The following SMCR8 variants were observed in gnomAD, a reference collection of about 807,000 sequenced individuals.
The protein encoded by SMCR8 is guanine nucleotide exchange protein SMCR8.
Under a neutral mutation model 56.6 loss-of-function variants are expected in SMCR8, and 30 were observed. The observed-to-expected ratio is 0.53, with a 90% CI of 0.40 to 0.72. The LOEUF is 0.72. Among genes scored for constraint, SMCR8 ranks in the 30% least tolerant of loss-of-function variants. The probability of loss-of-function intolerance (pLI) is 0.00; values close to 1 mark genes in which losing one functional copy is unlikely to be tolerated. For missense variants in SMCR8, 1,198 were observed against 1,157.0 expected, an observed-to-expected ratio of 1.04 and a Z score of -0.51; for synonymous variants, 538 against 456.0, an observed-to-expected ratio of 1.18 and a Z score of -2.29.
Position 18,317,488 on chromosome 17 carries a change from G to A in SMCR8, c.1699G>A (p.Gly567Ser), listed in dbSNP as rs1283356243. The A allele has an allele frequency of 2.5e-6, 4 of 1,613,932 alleles. No individual in the cohort carries two copies. Among genetic ancestry groups the A allele is most frequent in the African/African-American group, 1.3e-5 (1 of 74,908 alleles). ...GGCAAGCATCAGTCCTCCAGAACTG[G>A]GTGAGACAGAGGAAGGCAGCATAGA... is the stretch of plus-strand genomic sequence containing the variant. ...FQASISPPEL[G>S]ETEEGSIENT... The change falls in exon 1 of 2, where the codon GGT becomes AGT. Residue 567 changes from glycine to serine, a missense_variant. Coordinates refer to ENST00000406438, the MANE Select transcript of SMCR8 (RefSeq NM_144775.3).
chr17:18,321,778 G>A (rs1239527550), intron 1 of SMCR8, among the ~76,000 whole-genome samples: 1 of 152,210 alleles, frequency 6.6e-6, no homozygotes, highest in Non-Finnish European at 1.5e-5. Context: ...GCTGCAGTGA[G>A]TCATGATCGT....
Position 18,316,001 on chromosome 17 carries a change from C to T in SMCR8, c.212C>T (p.Pro71Leu). The change falls in exon 1 of 2, where the codon CCC becomes CTC. Residue 71 changes from proline to leucine, a missense_variant. Transcript: ENST00000406438. The part of the protein sequence containing the change: ...SEFSEQVGPQ[P>L]LLTIPNDTKV... ...TTCTCTGAGCAGGTGGGACCCCAAC[C>T]CTTACTGACCATCCCCAATGACACC... 1 of 1,614,140 alleles carries T rather than the reference C, an allele frequency of 6.2e-7. No individual in the cohort carries two copies. The highest frequency in any genetic ancestry group is 2.2e-5 in the East Asian group (1 of 44,878).
intron 1 of SMCR8, among the ~76,000 whole-genome samples, chr17:18,319,817 C>A (rs559721468): frequency 6.6e-6 from 1 of 152,268 alleles, no homozygotes; most frequent in Non-Finnish European, 1.5e-5. Flanking sequence ...GCTTCCTAGG[C>A]TCAGGTTATT....
At chr17:18,319,696 C>T (rs1177151577) in intron 1 of SMCR8, among the ~76,000 whole-genome samples, 1 of 152,026 alleles carries the variant, frequency 6.6e-6, no homozygotes, top group Non-Finnish European at 1.5e-5. Flanking sequence ...CTGTCATTTG[C>T]GGGTTTTTTT....
At chr17:18,321,195 C>G (rs1489282869) in intron 1 of SMCR8, among the ~76,000 whole-genome samples, 1 of 152,264 alleles carries the variant, frequency 6.6e-6, no homozygotes, top group Non-Finnish European at 1.5e-5. Flanking sequence ...CCATACCTGT[C>G]TGACGTAAAC....
intron 1 of SMCR8, among the ~76,000 whole-genome samples, chr17:18,319,633 T>C (rs967047029): frequency 3.9e-5 from 6 of 152,194 alleles, no homozygotes; most frequent in African/African-American, 1.4e-4. Context: ...ATGCTTGTAG[T>C]TGGGTCAGCC....
In SMCR8 at chr17:18,315,550, G is replaced by C. The variant is rs1010442453; in HGVS notation, c.-240G>C. The C allele has an allele frequency of 2.1e-5, 10 of 477,346 alleles. No individual in the cohort carries two copies. The highest frequency in any genetic ancestry group is 3.3e-5 in the Non-Finnish European group (9 of 270,334). 29.6% of individuals were successfully genotyped at this position (477,346 alleles called of 1,614,324 possible). On this transcript the variant is annotated 5_prime_UTR_variant, in exon 1 of 2. Coordinates refer to ENST00000406438, the MANE Select transcript of SMCR8 (RefSeq NM_144775.3). ...GGACGAAGAAGAGAAGGGCAGTTGGGCCTGCGGCCTTGGCGTTCATGAGGC... is the reference window on the plus strand; with the variant it reads ...GGACGAAGAAGAGAAGGGCAGTTGGCCCTGCGGCCTTGGCGTTCATGAGGC...
In SMCR8 at chr17:18,315,755, C is replaced by T. The variant is rs766147272; in HGVS notation, c.-35C>T. ...TCGATTAACACCGCATTCTTTCCCA[C>T]TTCCTCTCAATGTTTTCTTCATATA... is the stretch of plus-strand genomic sequence containing the variant. On this transcript the variant is annotated 5_prime_UTR_variant, in exon 1 of 2. Transcript: ENST00000406438. 1 of 1,538,240 alleles carries T rather than the reference C, an allele frequency of 6.5e-7. No homozygotes were observed. The highest frequency in any genetic ancestry group is 2.3e-5 in the East Asian group (1 of 44,092).
chr17:18,322,308 G>C (rs952436151), intron 1 of SMCR8, among the ~76,000 whole-genome samples: 4 of 152,192 alleles, frequency 2.6e-5, no homozygotes, highest in African/African-American at 9.7e-5. Flanking sequence ...ATTGCACCTG[G>C]CCTGAACAAA....
chr17:18,321,972 AAGAG>A lies in SMCR8; in HGVS notation c.2361-638_2361-635del, dbSNP rs577120608. Among the ~76,000 whole-genome samples the A allele has an allele frequency of 2.0e-3, 310 of 152,158 alleles. 1 individual carries two copies. Among genetic ancestry groups the A allele is most frequent in the Non-Finnish European group, 3.3e-3 (226 of 67,906 alleles). ...ATATGCTTTAAATTAAGCTAAGTAC[AAGAG>A]AGAGAGGTTATTTCAGGCAGAAAGA... On this transcript the variant is annotated intron_variant, in intron 1 of 1. Transcript: ENST00000406438.
chr17:18,323,335 T>C lies in SMCR8; in HGVS notation c.*265T>C. On this transcript the variant is annotated 3_prime_UTR_variant, in exon 2 of 2. Transcript: ENST00000406438. ...CCCTGGATATGGAGGGGGCCTTGGT[T>C]TTCTGAGGACTGGCAGCCAGGGCAG... 2.2e-6 allele frequency: 1 copy of C among 451,782 alleles called. No homozygotes were observed. Among genetic ancestry groups the C allele is most frequent in the African/African-American group, 1.9e-5 (1 of 51,470 alleles). The allele number at this position is 451,782 out of a possible 1,614,324, so 28.0% of individuals were successfully genotyped here.
At position 18,317,195 on chromosome 17, in the gene SMCR8, G is replaced by T; in HGVS notation, c.1406G>T (p.Gly469Val). 1 of 1,614,142 alleles carries T rather than the reference G, an allele frequency of 6.2e-7. No individual in the cohort carries two copies. The highest frequency in any genetic ancestry group is 8.5e-7 in the Non-Finnish European group (1 of 1,180,030). ...GATATGAAAGGGAGTATCAGCAGTG[G>T]TGAAAGTATTGAAGTTTTGGGCACG... The part of the protein sequence containing the change: ...DMDMKGSISS[G>V]ESIEVLGTEK... The change falls in exon 1 of 2, where the codon GGT (glycine) becomes GTT (valine). Residue 469 changes from glycine to valine, a missense_variant. Coordinates refer to ENST00000406438, the MANE Select transcript of SMCR8 (RefSeq NM_144775.3).
At position 18,317,877 on chromosome 17, in the gene SMCR8, C is replaced by T. The variant is rs1336063159; in HGVS notation, c.2088C>T (p.Gly696=). 1 of 1,614,182 alleles carries T rather than the reference C, an allele frequency of 6.2e-7. No individual in the cohort carries two copies. The highest frequency in any genetic ancestry group is 8.5e-7 in the Non-Finnish European group (1 of 1,180,032). ...SDRIPSAYPA[G]LSSDRHKKRA... is the part of the protein sequence containing the mutation. ...GGATCCCCTCTGCTTATCCTGCTGG[C>T]CTGTCTTCCGATAGGCATAAAAAGA... The change falls in exon 1 of 2, where the codon GGC becomes GGT. Residue 696 remains glycine (G), a synonymous_variant. Transcript: ENST00000406438.
In SMCR8 at chr17:18,324,082, C is replaced by G. The variant is rs1982580676; in HGVS notation, c.*1012C>G. Reference sequence around the variant, plus strand: ...CACATAAACCTTTGCAACCACTTCACTACCTCTCACTGGGTCTCGTGGGCT... The same window carrying G: ...CACATAAACCTTTGCAACCACTTCAGTACCTCTCACTGGGTCTCGTGGGCT... On this transcript the variant is annotated 3_prime_UTR_variant, in exon 2 of 2. Coordinates refer to ENST00000406438, the MANE Select transcript of SMCR8 (RefSeq NM_144775.3). 6.6e-6 allele frequency: 1 copy of G among 152,304 alleles called. No individual in the cohort carries two copies. The highest frequency in any genetic ancestry group is 6.5e-5 in the Admixed American group (1 of 15,290). 9.4% of individuals were successfully genotyped at this position (152,304 alleles called of 1,614,324 possible).
chr17:18,317,109 A>G lies in SMCR8; in HGVS notation c.1320A>G (p.Glu440=), dbSNP rs754052608. 6.2e-6 allele frequency: 10 copies of G among 1,614,188 alleles called. No homozygotes were observed. The East Asian group carries it at 2.2e-4, about 36-fold the overall frequency. Residue 440 remains glutamate (E), a synonymous_variant, in exon 1 of 2, where the codon GAA becomes GAG. Transcript: ENST00000406438. ...AACTGGGAGATGAGGAGTACAAGGAAGTGGAAGTGACTGAGTTGAGCAGTT... is the reference window on the plus strand; with the variant it reads ...AACTGGGAGATGAGGAGTACAAGGAGGTGGAAGTGACTGAGTTGAGCAGTT... The part of the protein sequence containing the change: ...EQELGDEEYK[E]VEVTELSSFD...
intron 1 of SMCR8, among the ~76,000 whole-genome samples, chr17:18,320,717 T>C (rs992686375): frequency 6.6e-6 from 1 of 152,204 alleles, no homozygotes; most frequent in African/African-American, 2.4e-5. Context: ...AGTTCCTCCA[T>C]GCCTGTGGGA....
intron 1 of SMCR8, 87 bp downstream of exon 1, chr17:18,318,236 G>A (rs949219032): frequency 7.5e-7 from 1 of 1,327,658 alleles, no homozygotes; most frequent in African/African-American, 1.5e-5. Flanking sequence ...AGGAAGCCTG[G>A]CTTCTAGACA....
chr17:18,316,447 A>G lies in SMCR8; in HGVS notation c.658A>G (p.Asn220Asp). Residue 220 changes from asparagine (N) to aspartate (D), a missense_variant, in exon 1 of 2, where the codon AAC becomes GAC. Physicochemically the swap from Asn to Asp is conservative, Grantham distance 23. Coordinates refer to ENST00000406438, the MANE Select transcript of SMCR8 (RefSeq NM_144775.3). ...HTETEIQKKA[N>D]DKGFYSSQAI... ...AGAAACGGAGATCCAGAAGAAAGCC[A>G]ACGACAAAGGCTTTTACTCATCTCA... 1.2e-6 allele frequency: 2 copies of G among 1,614,178 alleles called. No homozygotes were observed. The highest frequency in any genetic ancestry group is 1.3e-5 in the African/African-American group (1 of 75,064).
In SMCR8 at chr17:18,317,825, GCAGTGTAGCGTCCAC is replaced by G; in HGVS notation, c.2040_2054del (p.Val681_Ser685del). 1 of 1,614,144 alleles carries G rather than the reference GCAGTGTAGCGTCCAC, an allele frequency of 6.2e-7. No individual in the cohort carries two copies. The highest frequency in any genetic ancestry group is 8.5e-7 in the Non-Finnish European group (1 of 1,180,008). On this transcript the variant is annotated inframe_deletion, in exon 1 of 2. Transcript: ENST00000406438. The stretch of plus-strand genomic sequence containing the variant: ...TACTCAGACACCACCAGCTACGTGA[GCAGTGTAGCGTCCAC>G]CAGCTCAGACAGGATCCCCTCTGCT...
Sources: gnomAD v4.1 joint callset for allele counts (sites outside exome capture counted in the v4.1 genomes callset) on GRCh38, gnomAD v4.1.1 for gene constraint, MANE v1.5 for transcripts, NCBI Gene and HGNC (gene_info 2026-07-23, HGNC 2026-07-21) for gene names.